HIVEP1: variants seen among roughly 807,000 people sequenced by gnomAD.
The protein encoded by HIVEP1 is zinc finger protein 40.
A neutral mutation model predicts 180.0 loss-of-function variants in HIVEP1; 36 were observed. The observed-to-expected ratio is 0.20, with a 90% CI of 0.15 to 0.26. The LOEUF is 0.26. Among genes scored for constraint, HIVEP1 ranks in the 10% least tolerant of loss-of-function variants. The pLI, the probability that HIVEP1 is intolerant of heterozygous loss-of-function variation, is 1.00. For missense variants in HIVEP1, 3,143 were observed against 3,268.7 expected, an observed-to-expected ratio of 0.96 and a Z score of 0.94; for synonymous variants, 1,239 against 1,239.0, an observed-to-expected ratio of 1.00 and a Z score of 0.00.
chr6:12,071,549 A>T (rs569945768), intron 2 of HIVEP1, among the ~76,000 whole-genome samples: 4 of 152,338 alleles, frequency 2.6e-5, no homozygotes, highest in Admixed American at 2.0e-4. Context: ...ACAGGTTGAA[A>T]GAGAACAAAT....
At chr6:12,056,355 T>C (rs1485026286) in intron 2 of HIVEP1, among the ~76,000 whole-genome samples, 2 of 152,186 alleles carry the variant, frequency 1.3e-5, no homozygotes, top group Non-Finnish European at 2.9e-5. Context: ...TTAATATTAA[T>C]AATAATAATC....
chr6:12,021,973 T>A (rs895849442), intron 2 of HIVEP1, among the ~76,000 whole-genome samples: 1 of 151,962 alleles, frequency 6.6e-6, no homozygotes, highest in African/African-American at 2.4e-5. Flanking sequence ...CCTGGTTGTG[T>A]CAACTTTTTA....
At chr6:12,068,187 T>G (rs1054563848) in intron 2 of HIVEP1, among the ~76,000 whole-genome samples, 3 of 152,036 alleles carry the variant, frequency 2.0e-5, no homozygotes, top group Admixed American at 6.6e-5. Flanking sequence ...GCCTCCTGGG[T>G]TCAAGTGATT....
At chr6:12,039,729 G>A (rs548698563) in intron 2 of HIVEP1, among the ~76,000 whole-genome samples, 2 of 152,190 alleles carry the variant, frequency 1.3e-5, no homozygotes, top group African/African-American at 4.8e-5. Flanking sequence ...ATTGGAAGGG[G>A]TGTCAGGTTG....
the HIVEP1 span, among the ~76,000 whole-genome samples, chr6:12,202,243 C>T: frequency 3.9e-5 from 6 of 152,046 alleles, no homozygotes; most frequent in African/African-American, 1.4e-4. Context: ...CAGCCTTGAC[C>T]TCCCGGGGCT....
At chr6:12,101,974 T>A (rs1347768459) in intron 3 of HIVEP1, among the ~76,000 whole-genome samples, 1 of 140,086 alleles carries the variant, frequency 7.1e-6, no homozygotes, top group Non-Finnish European at 1.6e-5. Context: ...AAAAGGGACT[T>A]CAAAATAAAA....
chr6:12,044,756 C>T (rs887866600), intron 2 of HIVEP1, among the ~76,000 whole-genome samples: 1 of 151,298 alleles, frequency 6.6e-6, no homozygotes, highest in Admixed American at 6.6e-5. Flanking sequence ...TGCTGTCCCC[C>T]ACTCAAAGCC....
upstream of HIVEP1, among the ~76,000 whole-genome samples, chr6:12,009,120 T>TGGCGGCGGTGGCGGC (rs1767149268): frequency 6.9e-6 from 1 of 145,980 alleles, no homozygotes; most frequent in Non-Finnish European, 1.5e-5. Flanking sequence ...CGCGTGGCGG[T>TGGCGGCGGTGGCGGC]GGCGGCGGCG....
intron 2 of HIVEP1, among the ~76,000 whole-genome samples, chr6:12,029,789 A>G (rs553550256): frequency 1.1e-4 from 16 of 152,266 alleles, no homozygotes; most frequent in Middle Eastern, 3.4e-3. Flanking sequence ...ACAGTGTTAA[A>G]TCACTCCTTT....
upstream of HIVEP1, among the ~76,000 whole-genome samples, chr6:12,011,788 G>A (rs1767329623): frequency 6.8e-6 from 1 of 148,126 alleles, no homozygotes; most frequent in Non-Finnish European, 1.5e-5. Context: ...GCTGGCGGCC[G>A]CGCCGGCCCA....
intron 2 of HIVEP1, among the ~76,000 whole-genome samples, chr6:12,055,435 G>A (rs1007830763): frequency 3.3e-5 from 5 of 152,030 alleles, no homozygotes; most frequent in African/African-American, 1.2e-4. Flanking sequence ...ATCCGCCACT[G>A]CACTCCAGCC....
the HIVEP1 span, among the ~76,000 whole-genome samples, chr6:12,173,769 T>C: frequency 6.6e-6 from 1 of 152,338 alleles, no homozygotes; most frequent in East Asian, 1.9e-4. Context: ...AAAGACAGTA[T>C]GTTTAGCTAG....
At chr6:12,083,795 A>G (rs1472614789) in intron 2 of HIVEP1, among the ~76,000 whole-genome samples, 5 of 152,030 alleles carry the variant, frequency 3.3e-5, no homozygotes, top group Non-Finnish European at 7.4e-5. Flanking sequence ...ACTTATCTTT[A>G]CTCTCCTTCC....
At chr6:12,102,534 G>A (rs1774171905) in intron 3 of HIVEP1, among the ~76,000 whole-genome samples, 1 of 152,058 alleles carries the variant, frequency 6.6e-6, no homozygotes, top group South Asian at 2.1e-4. Flanking sequence ...ATGACACCAA[G>A]GCTTTCCAGA....
chr6:12,129,511 C>G (rs1758289985), intron 4 of HIVEP1: 1 of 582,750 alleles, frequency 1.7e-6, no homozygotes, highest in African/African-American at 1.8e-5. Flanking sequence ...GTTGTAAAGC[C>G]TTTATTTGGG....
intron 2 of HIVEP1, among the ~76,000 whole-genome samples, chr6:12,027,312 G>A (rs897385094): frequency 1.1e-3 from 175 of 152,264 alleles, no homozygotes; most frequent in African/African-American, 4.0e-3. Flanking sequence ...GTGAGGGTCC[G>A]CTGCCTGCCA....
chr6:12,201,195 G>A, the HIVEP1 span, among the ~76,000 whole-genome samples: 1 of 152,166 alleles, frequency 6.6e-6, no homozygotes, highest in African/African-American at 2.4e-5. Context: ...AATCAAACAA[G>A]GCTGGTTGCA....
the HIVEP1 span, among the ~76,000 whole-genome samples, chr6:12,188,830 T>C: frequency 2.6e-5 from 4 of 151,922 alleles, no homozygotes; most frequent in African/African-American, 9.7e-5. Flanking sequence ...AAAATTGCTT[T>C]TGGAATTAAG....
the HIVEP1 span, among the ~76,000 whole-genome samples, chr6:12,208,052 T>C: frequency 1.3e-5 from 2 of 152,130 alleles, no homozygotes; most frequent in Non-Finnish European, 2.9e-5. Context: ...ATAAAGAGTA[T>C]AGACAGTTTA....
Sources: gnomAD v4.1 joint callset for allele counts (sites outside exome capture counted in the v4.1 genomes callset) on GRCh38, gnomAD v4.1.1 for gene constraint, MANE v1.5 for transcripts, NCBI Gene and HGNC (gene_info 2026-07-23, HGNC 2026-07-21) for gene names.